The following TAFA2 variants were observed in gnomAD, a reference collection of about 807,000 sequenced individuals.
TAFA2 encodes TAFA chemokine like family member 2.
A neutral mutation model predicts 18.8 loss-of-function variants in TAFA2; 7 were observed. That is an observed-to-expected ratio of 0.37 (90% CI 0.21 to 0.70). The LOEUF (loss-of-function observed/expected upper bound fraction) is 0.70, where lower values mean the gene tolerates loss of function less well. Ranked by LOEUF, TAFA2 falls within the 30% of genes least tolerant of loss-of-function variation. The pLI, the probability that TAFA2 is intolerant of heterozygous loss-of-function variation, is 0.53. For missense variants in TAFA2, 122 were observed against 158.1 expected (o/e 0.77, Z 1.23); for synonymous variants, 60 against 54.2 (o/e 1.11, Z -0.47).
At chr12:61,836,756 T>TATATATATATACACACACAC (rs68158949) in intron 2 of TAFA2, among the ~76,000 whole-genome samples, 1 of 119,848 alleles carries the variant, frequency 8.3e-6, no homozygotes, top group African/African-American at 2.8e-5. Context: ...TATATATATA[T>TATATATATATACACACACAC]ACACACACAC....
At chr12:61,989,919 C>G (rs1050781423) in intron 1 of TAFA2, among the ~76,000 whole-genome samples, 3 of 152,122 alleles carry the variant, frequency 2.0e-5, no homozygotes, top group Non-Finnish European at 4.4e-5. Flanking sequence ...GTCATCTTTT[C>G]TTCATCCATT....
intron 1 of TAFA2, among the ~76,000 whole-genome samples, chr12:61,951,310 A>T (rs897161847): frequency 6.6e-6 from 1 of 152,184 alleles, no homozygotes; most frequent in African/African-American, 2.4e-5. Flanking sequence ...ACAGGCAAAT[A>T]TGTTTTGAAA....
chr12:62,192,727 G>C lies in TAFA2; in HGVS notation c.-1470C>G, dbSNP rs1341481309. On this transcript the variant is annotated 5_prime_UTR_variant, in exon 1 of 5. Coordinates refer to ENST00000416284, the MANE Select transcript of TAFA2 (RefSeq NM_178539.5). ...TGGCAGGGCCGGGCGGCGTTGCCTC[G>C]CCTCTCTCTCCCAACAGCCAGTTCT... 2 of 152,184 alleles carry C rather than the reference G, an allele frequency of 1.3e-5. No individual in the cohort carries two copies. The highest frequency in any genetic ancestry group is 2.9e-5 in the Non-Finnish European group (2 of 68,064). 9.4% of individuals were successfully genotyped at this position (152,184 alleles called of 1,614,324 possible).
intron 1 of TAFA2, among the ~76,000 whole-genome samples, chr12:62,040,511 C>G (rs1250805839): frequency 1.3e-5 from 2 of 151,978 alleles, no homozygotes; most frequent in Non-Finnish European, 2.9e-5. Flanking sequence ...AGAAGACACA[C>G]AGGAAGAAGA....
chr12:62,081,152 G>A (rs150345012), intron 1 of TAFA2, among the ~76,000 whole-genome samples: 3,170 of 152,084 alleles, frequency 0.021, 44 homozygotes, highest in Non-Finnish European at 0.032. Context: ...CCGAGATCGC[G>A]CCACTGCACT....
chr12:61,840,596 T>C (rs1873130638), intron 2 of TAFA2, among the ~76,000 whole-genome samples: 1 of 152,076 alleles, frequency 6.6e-6, no homozygotes, highest in Non-Finnish European at 1.5e-5. Context: ...AGGGAACTGC[T>C]TGAGAGATGG....
chr12:61,945,200 A>G (rs1419264021), intron 1 of TAFA2, among the ~76,000 whole-genome samples: 1 of 122,858 alleles, frequency 8.1e-6, no homozygotes, highest in Non-Finnish European at 1.6e-5. Flanking sequence ...GCCAAAGACA[A>G]AAACCACATG....
chr12:61,858,884 C>T (rs2121187260), intron 2 of TAFA2, among the ~76,000 whole-genome samples: 1 of 152,296 alleles, frequency 6.6e-6, no homozygotes, highest in South Asian at 2.1e-4. Context: ...GAGATAAATA[C>T]ATCTCAGTAT....
intron 4 of TAFA2, among the ~76,000 whole-genome samples, chr12:61,731,167 C>G (rs117139813): frequency 6.6e-6 from 1 of 152,228 alleles, no homozygotes; most frequent in East Asian, 1.9e-4. Flanking sequence ...TGTTTCAGCT[C>G]TAGGTGAGGT....
intron 2 of TAFA2, among the ~76,000 whole-genome samples, chr12:61,786,185 G>C (rs1870730069): frequency 6.6e-6 from 1 of 151,608 alleles, no homozygotes; most frequent in South Asian, 2.1e-4. Context: ...TCAAAAGCCA[G>C]ACTAGGAAAT....
intron 1 of TAFA2, among the ~76,000 whole-genome samples, chr12:62,065,707 G>T (rs1321064063): frequency 1.3e-5 from 2 of 151,960 alleles, no homozygotes; most frequent in East Asian, 3.8e-4. Flanking sequence ...AATTCTGTGT[G>T]TGTGTGTGTG....
chr12:62,257,825 A>T (rs2062947812), intron 1 of TAFA2, among the ~76,000 whole-genome samples: 1 of 152,190 alleles, frequency 6.6e-6, no homozygotes, highest in Admixed American at 6.5e-5. Context: ...AGCTTTTCTC[A>T]TCAATTTATC....
intron 1 of TAFA2, among the ~76,000 whole-genome samples, chr12:62,207,574 A>G (rs1245650): frequency 6.6e-6 from 1 of 151,978 alleles, no homozygotes; most frequent in African/African-American, 2.4e-5. Context: ...TGTTTCTGTT[A>G]TCTACATTTA....
chr12:62,079,357 A>G (rs1477759535), intron 1 of TAFA2, among the ~76,000 whole-genome samples: 2 of 152,138 alleles, frequency 1.3e-5, no homozygotes, highest in Non-Finnish European at 2.9e-5. Context: ...GTGGCTTGAT[A>G]AAAGTTTAAC....
chr12:61,734,984 T>C (rs1309056841), intron 4 of TAFA2, among the ~76,000 whole-genome samples: 1 of 151,906 alleles, frequency 6.6e-6, no homozygotes, highest in Admixed American at 6.6e-5. Flanking sequence ...TCTTATGGGG[T>C]GGTTGTAAGA....
intron 1 of TAFA2, among the ~76,000 whole-genome samples, chr12:62,222,713 A>C (rs2062769062): frequency 6.8e-6 from 1 of 147,736 alleles, no homozygotes; most frequent in African/African-American, 2.5e-5. Context: ...ATGGGGTTTC[A>C]CCATGTTAGC....
chr12:61,719,128 C>A (rs547892618), intron 4 of TAFA2, among the ~76,000 whole-genome samples: 1 of 152,138 alleles, frequency 6.6e-6, no homozygotes, highest in African/African-American at 2.4e-5. Context: ...TTGCCTTTGG[C>A]ATTCAACCTG....
chr12:62,005,280 T>A (rs1880509488), intron 1 of TAFA2, among the ~76,000 whole-genome samples: 1 of 152,086 alleles, frequency 6.6e-6, no homozygotes, highest in Non-Finnish European at 1.5e-5. Context: ...TATCAAAACA[T>A]TATGCAATAT....
Position 61,770,254 on chromosome 12 carries a change from C to A in TAFA2, c.107-15230G>T, listed in dbSNP as rs150327946. Reference sequence around the variant, plus strand: ...AAGTTTGGAATTATGTTAATCAAACCTAAGAATAATTCATGTTCCCAAGGA... The same window carrying A: ...AAGTTTGGAATTATGTTAATCAAACATAAGAATAATTCATGTTCCCAAGGA... On this transcript the variant is annotated intron_variant, in intron 2 of 4. Transcript: ENST00000416284. Among the ~76,000 whole-genome samples the A allele has an allele frequency of 3.2e-3, 491 of 151,980 alleles. 6 individuals are homozygous for A. Among genetic ancestry groups the A allele is most frequent in the Admixed American group, 0.014 (218 of 15,260 alleles).
Sources: gnomAD v4.1 joint callset for allele counts (sites outside exome capture counted in the v4.1 genomes callset) on GRCh38, gnomAD v4.1.1 for gene constraint, MANE v1.5 for transcripts, NCBI Gene and HGNC (gene_info 2026-07-23, HGNC 2026-07-21) for gene names.